The following PPA1 variants were observed in gnomAD, a reference collection of about 807,000 sequenced individuals.
PPA1 encodes the protein inorganic pyrophosphatase.
A neutral mutation model predicts 41.8 loss-of-function variants in PPA1; 23 were observed. The ratio of observed to expected loss-of-function variants is 0.55; its 90% confidence interval spans 0.40 to 0.78. The LOEUF is 0.78. Among genes scored for constraint, PPA1 ranks in the 30% least tolerant of loss-of-function variants. The probability of loss-of-function intolerance (pLI) is 0.00; values close to 1 mark genes in which losing one functional copy is unlikely to be tolerated. For synonymous variants in PPA1, 101 were observed against 116.8 expected (o/e 0.86, Z 0.87); for missense variants, 320 against 361.6 (o/e 0.89, Z 0.93).
chr10:70,209,371 T>TTTA, intron 7 of PPA1, 81 bp from the exon 8 acceptor site: 3 of 1,338,630 alleles, frequency 2.2e-6, no homozygotes, highest in Non-Finnish European at 3.1e-6. Context: ...AGCCTGATAC[T>TTTA]TTGTCTCTTC....
Position 70,233,397 on chromosome 10 carries a change from G to C in PPA1, c.-70C>G, listed in dbSNP as rs1050856480. The C allele has an allele frequency of 3.3e-6, 5 of 1,517,820 alleles. No homozygotes were observed. The highest frequency in any genetic ancestry group is 5.2e-5 in the East Asian group (2 of 38,788). The allele number at this position is 1,517,820 out of a possible 1,614,324, so 94.0% of individuals were successfully genotyped here. On this transcript the variant is annotated 5_prime_UTR_variant, in exon 1 of 11. Coordinates refer to ENST00000373232, the MANE Select transcript of PPA1 (RefSeq NM_021129.4). ...CGCACGCGGCGCCGACTGACAAGGA[G>C]AGAGCCCCACGCCTGCGCACTGCGA... is the stretch of plus-strand genomic sequence containing the variant.
At chr10:70,216,172 T>C (rs955955269) in intron 4 of PPA1, among the ~76,000 whole-genome samples, 1 of 152,154 alleles carries the variant, frequency 6.6e-6, no homozygotes, top group African/African-American at 2.4e-5. Flanking sequence ...AAGGATGATA[T>C]ATCAAGGCTA....
Position 70,206,352 on chromosome 10 carries a change from G to C in PPA1, c.726-19C>G. On this transcript the variant is annotated intron_variant, in intron 8 of 10. Coordinates refer to ENST00000373232, the MANE Select transcript of PPA1 (RefSeq NM_021129.4). Reference sequence around the variant, plus strand: ...ATTCATGCTATTAAATAAAACAAAAGTAGTCATAAGACAAAATAACAAAAA... The same window carrying C: ...ATTCATGCTATTAAATAAAACAAAACTAGTCATAAGACAAAATAACAAAAA... 1 of 1,577,500 alleles carries C rather than the reference G, an allele frequency of 6.3e-7. No homozygotes were observed. Among genetic ancestry groups the C allele is most frequent in the Non-Finnish European group, 8.7e-7 (1 of 1,147,562 alleles).
At chr10:70,213,698 C>G in intron 5 of PPA1, 109 bp from the exon 6 acceptor site, 1 of 1,315,876 alleles carries the variant, frequency 7.6e-7, no homozygotes, top group Non-Finnish European at 1.0e-6. Context: ...TGAGAATTTA[C>G]CTGAAGATTG....
intron 2 of PPA1, 112 bp from the exon 3 acceptor site, chr10:70,218,929 C>A: frequency 5.9e-5 from 42 of 715,248 alleles, no homozygotes; most frequent in South Asian, 8.7e-5. Flanking sequence ...TCTTTGAAGT[C>A]AATTGGATTT....
chr10:70,220,785 A>ATT (rs1292912390), intron 2 of PPA1, among the ~76,000 whole-genome samples: 1 of 20,876 alleles, frequency 4.8e-5, no homozygotes, highest in Non-Finnish European at 7.8e-5. Flanking sequence ...AATATATATA[A>ATT]TTTATATATA....
chr10:70,213,200 T>C (rs921580514), intron 6 of PPA1, among the ~76,000 whole-genome samples: 6 of 152,176 alleles, frequency 3.9e-5, no homozygotes, highest in Non-Finnish European at 8.8e-5. Context: ...TAAATAAACA[T>C]ACCAACTGAG....
intron 1 of PPA1, 24 bp from the exon 2 acceptor site, chr10:70,230,423 TA>T (rs1217928911): frequency 1.3e-6 from 2 of 1,585,964 alleles, no homozygotes; most frequent in South Asian, 1.1e-5. Flanking sequence ...TAGAAAAAGT[TA>T]TTACTATAAT....
intron 10 of PPA1, chr10:70,203,706 C>G (rs1839905857): frequency 6.6e-6 from 1 of 152,328 alleles, no homozygotes; most frequent in Non-Finnish European, 1.5e-5. Context: ...CCACACCCAG[C>G]CTTCAAACTT....
intron 6 of PPA1, chr10:70,210,187 C>T (rs1840000902): frequency 2.8e-6 from 1 of 353,064 alleles, no homozygotes. Context: ...GTTCAGCGAT[C>T]CTCTCACCTC....
At chr10:70,231,263 C>T (rs545807278) in intron 1 of PPA1, among the ~76,000 whole-genome samples, 1 of 152,278 alleles carries the variant, frequency 6.6e-6, no homozygotes, top group African/African-American at 2.4e-5. Context: ...CGCATCCCTT[C>T]AAGTTTAAAA....
At chr10:70,208,047 G>A (rs570750370) in intron 8 of PPA1, among the ~76,000 whole-genome samples, 2 of 151,932 alleles carry the variant, frequency 1.3e-5, no homozygotes, top group African/African-American at 4.8e-5. Flanking sequence ...AAAATTAGCC[G>A]GGCGTGGTGG....
intron 9 of PPA1, chr10:70,205,749 T>C (rs573599098): frequency 6.6e-6 from 1 of 152,338 alleles, no homozygotes; most frequent in Non-Finnish European, 1.5e-5. Context: ...TAATTTAAGA[T>C]GATCTCGTTC....
At chr10:70,225,649 C>CT (rs5785966) in intron 2 of PPA1, among the ~76,000 whole-genome samples, 187 of 144,458 alleles carry the variant, frequency 1.3e-3, no homozygotes, top group East Asian at 4.8e-3. Context: ...CAAGCTTTAA[C>CT]TTTTTTTTTT....
chr10:70,229,506 T>G (rs930816675), intron 2 of PPA1, among the ~76,000 whole-genome samples: 3 of 152,236 alleles, frequency 2.0e-5, no homozygotes, highest in Non-Finnish European at 4.4e-5. Context: ...CCAATCTGTA[T>G]TAAAGTTAGG....
intron 9 of PPA1, chr10:70,205,166 C>CTT: frequency 3.9e-6 from 1 of 256,988 alleles, no homozygotes; most frequent in Non-Finnish European, 7.3e-6. Context: ...GGGTGGATCA[C>CTT]AAGGTCAGGA....
Position 70,228,557 on chromosome 10 carries a change from T to C in PPA1, c.123+1784A>G, listed in dbSNP as rs372994271. ...AAGCAGATAATTCAAGCCAACCCAA[T>C]GGGGCCAATTGAAGAGGGAAGGATT... On this transcript the variant is annotated intron_variant, in intron 2 of 10. Coordinates refer to ENST00000373232, the MANE Select transcript of PPA1 (RefSeq NM_021129.4). Among the ~76,000 whole-genome samples, 15 of 152,256 alleles carry C rather than the reference T, an allele frequency of 9.9e-5. No individual in the cohort carries two copies. In the South Asian group the frequency reaches 2.7e-3, roughly 27 times the overall value.
intron 2 of PPA1, 91 bp from the exon 3 acceptor site, chr10:70,218,908 A>C (rs1419238711): frequency 2.3e-6 from 2 of 865,594 alleles, no homozygotes; most frequent in Non-Finnish European, 3.8e-6. Flanking sequence ...CAAACTGTTC[A>C]TTGTATCAGA....
chr10:70,216,739 C>T (rs1189524936), intron 4 of PPA1, among the ~76,000 whole-genome samples: 2 of 152,272 alleles, frequency 1.3e-5, no homozygotes, highest in South Asian at 4.1e-4. Context: ...ACAGCACTGG[C>T]CTAGCCAAAA....
Sources: allele counts gnomAD v4.1 joint callset (sites outside exome capture counted in the v4.1 genomes callset), GRCh38; gene constraint gnomAD v4.1.1; transcripts MANE v1.5; gene names NCBI Gene and HGNC (gene_info 2026-07-23, HGNC 2026-07-21).